TMEM150C: variants seen among roughly 807,000 people sequenced by gnomAD.
TMEM150C encodes the protein transmembrane protein 150C, also known as tentonin 3.
Under a neutral mutation model 29.9 loss-of-function variants are expected in TMEM150C, and 10 were observed. The observed-to-expected ratio is 0.33, with a 90% CI of 0.21 to 0.57. TMEM150C has a LOEUF of 0.57. Ranked by LOEUF, TMEM150C falls within the 20% of genes least tolerant of loss-of-function variation. The pLI is 0.88. For synonymous variants in TMEM150C, 101 were observed against 112.5 expected (o/e 0.90, Z 0.64); for missense variants, 251 against 303.6 (o/e 0.83, Z 1.29).
intron 7 of TMEM150C, among the ~76,000 whole-genome samples, chr4:82,488,485 G>A (rs1213522080): frequency 6.6e-6 from 1 of 152,206 alleles, no homozygotes; most frequent in Non-Finnish European, 1.5e-5. Flanking sequence ...CTAAAAATTG[G>A]TGATTATTAT....
intron 1 of TMEM150C, among the ~76,000 whole-genome samples, chr4:82,559,991 A>T (rs1443740741): frequency 2.0e-5 from 3 of 152,212 alleles, no homozygotes; most frequent in African/African-American, 7.2e-5. Flanking sequence ...AGTGTAAAGC[A>T]AAGGGCCTTC....
chr4:82,553,965 A>G (rs992399351), intron 1 of TMEM150C, among the ~76,000 whole-genome samples: 1 of 152,214 alleles, frequency 6.6e-6, no homozygotes, highest in Non-Finnish European at 1.5e-5. Context: ...TAAAATGGGG[A>G]AACACCAATC....
At position 82,538,206 on chromosome 4, in the gene TMEM150C, C is replaced by G. The variant is rs575896140; in HGVS notation, c.-11+23700G>C. Among the ~76,000 whole-genome samples the G allele has an allele frequency of 7.2e-5, 11 of 152,192 alleles. No homozygotes were observed. The East Asian group carries it at 2.1e-3, about 29-fold the overall frequency. On this transcript the variant is annotated intron_variant, in intron 1 of 7. Transcript: ENST00000449862. ...CTGAGTAGCTGGCACTACAGGTACC[C>G]ACCACCACGCCTGGCTAATTTTTGT...
intron 6 of TMEM150C, chr4:82,490,910 TC>T: frequency 1.4e-6 from 1 of 715,070 alleles, no homozygotes; most frequent in Non-Finnish European, 2.6e-6. Context: ...GGACATTGCC[TC>T]CCCAGTGATG....
intron 1 of TMEM150C, among the ~76,000 whole-genome samples, chr4:82,542,053 C>A (rs1286652989): frequency 2.6e-5 from 4 of 152,060 alleles, no homozygotes; most frequent in African/African-American, 9.7e-5. Context: ...TTCCTAAATG[C>A]CCAACTGGAA....
intron 5 of TMEM150C, among the ~76,000 whole-genome samples, chr4:82,500,459 A>G (rs1324201190): frequency 2.0e-5 from 3 of 152,224 alleles, no homozygotes; most frequent in African/African-American, 7.2e-5. Context: ...CCATTGAACA[A>G]TAATCTTAAT....
intron 1 of TMEM150C, among the ~76,000 whole-genome samples, chr4:82,538,208 C>T (rs538425363): frequency 6.6e-6 from 1 of 152,288 alleles, no homozygotes; most frequent in African/African-American, 2.4e-5. Flanking sequence ...CAGGTACCCA[C>T]CACCACGCCT....
At position 82,499,984 on chromosome 4, in the gene TMEM150C, G is replaced by A. The variant is rs75125017; in HGVS notation, c.235+2743C>T. Among the ~76,000 whole-genome samples, 841 of 152,200 alleles carry A rather than the reference G, an allele frequency of 5.5e-3. 8 individuals are homozygous for A. The highest frequency in any genetic ancestry group is 0.019 in the African/African-American group (806 of 41,536). On this transcript the variant is annotated intron_variant, in intron 5 of 7. Transcript: ENST00000449862. ...GGAGGGAGAGTGGCTGCTATTCGGT[G>A]ACTGACATCATTCAGCTATTAGCTT...
rs1724539264 is a variant in TMEM150C at position 82,523,109 on chromosome 4, T to G, written c.-10-18442A>C. On this transcript the variant is annotated intron_variant, in intron 1 of 7. Coordinates refer to ENST00000449862, the MANE Select transcript of TMEM150C (RefSeq NM_001080506.3). ...GGAGGAACACCAGGGTTCTTTGTCC[T>G]CATGCCAGTTTAGATAAAATGACAC... Among the ~76,000 whole-genome samples, 3 of 152,118 alleles carry G rather than the reference T, an allele frequency of 2.0e-5. No individual in the cohort carries two copies. In the South Asian group the frequency reaches 6.2e-4, roughly 32 times the overall value.
At chr4:82,490,740 T>G (rs998830592) in intron 6 of TMEM150C, 15 of 377,352 alleles carry the variant, frequency 4.0e-5, no homozygotes, top group Non-Finnish European at 7.6e-5. Context: ...CATGCCACCA[T>G]GCCTGGCTAA....
chr4:82,501,157 A>G (rs1039279245), intron 5 of TMEM150C, among the ~76,000 whole-genome samples: 9 of 152,360 alleles, frequency 5.9e-5, no homozygotes, highest in African/African-American at 1.4e-4. Flanking sequence ...CTTGGGATGA[A>G]TAAGTTTATT....
intron 5 of TMEM150C, among the ~76,000 whole-genome samples, chr4:82,500,484 C>A (rs530819316): frequency 6.4e-4 from 98 of 152,144 alleles, no homozygotes; most frequent in African/African-American, 2.2e-3. Flanking sequence ...TTTATGTCTA[C>A]CAGATGGCAC....
chr4:82,561,600 C>T (rs1725932571), intron 1 of TMEM150C, among the ~76,000 whole-genome samples: 1 of 149,372 alleles, frequency 6.7e-6, no homozygotes, highest in African/African-American at 2.4e-5. Flanking sequence ...GGCGGCACTG[C>T]GGCGGCGGGG....
intron 1 of TMEM150C, among the ~76,000 whole-genome samples, chr4:82,560,159 C>G (rs1725875271): frequency 1.3e-5 from 2 of 152,104 alleles, no homozygotes. Flanking sequence ...TATCCCCCCA[C>G]AAAGCAACAT....
intron 1 of TMEM150C, among the ~76,000 whole-genome samples, chr4:82,534,294 C>G (rs1724940360): frequency 6.6e-6 from 1 of 152,134 alleles, no homozygotes; most frequent in African/African-American, 2.4e-5. Flanking sequence ...GGCTTATTTA[C>G]CAACCAAGCC....
intron 6 of TMEM150C, among the ~76,000 whole-genome samples, chr4:82,492,448 A>AT (rs61301271): frequency 0.15 from 22,713 of 151,962 alleles, 3,334 homozygotes; most frequent in African/African-American, 0.35. Flanking sequence ...GTTAATGAGA[A>AT]TTTTTTTAGT....
chr4:82,561,788 C>G, intron 1 of TMEM150C, 118 bp downstream of exon 1: 1 of 778,008 alleles, frequency 1.3e-6, no homozygotes, highest in Non-Finnish European at 1.6e-6. Context: ...CCAGCCGCCC[C>G]AGCCGCGCTG....
At position 82,511,637 on chromosome 4, in the gene TMEM150C, A is replaced by G. The variant is rs184927455; in HGVS notation, c.-10-6970T>C. 2.6e-5 allele frequency among the ~76,000 whole-genome samples: 4 copies of G among 152,078 alleles called. No homozygotes were observed. The East Asian group carries it at 5.8e-4, about 22-fold the overall frequency. ...ACTACAGGCGTGTGCCACTATGCCC[A>G]GCTAATTTTTGTAGAGACAGGGTCT... On this transcript the variant is annotated intron_variant, in intron 1 of 7. Transcript: ENST00000449862.
chr4:82,506,554 A>G (rs1263306349), intron 1 of TMEM150C, among the ~76,000 whole-genome samples: 2 of 152,242 alleles, frequency 1.3e-5, no homozygotes, highest in African/African-American at 4.8e-5. Context: ...TACCTGTGCC[A>G]GGTACTATAT....
Sources: allele counts gnomAD v4.1 joint callset (sites outside exome capture counted in the v4.1 genomes callset), GRCh38; gene constraint gnomAD v4.1.1; transcripts MANE v1.5; gene names NCBI Gene and HGNC (gene_info 2026-07-23, HGNC 2026-07-21).